MATN2: variants seen among roughly 807,000 people sequenced by gnomAD.
The protein encoded by MATN2 is matrilin 2.
Under a neutral mutation model 103.2 loss-of-function variants are expected in MATN2, and 69 were observed. The observed-to-expected ratio is 0.67, with a 90% CI of 0.55 to 0.82. The LOEUF (loss-of-function observed/expected upper bound fraction) is 0.82. MATN2 is among the 40% of genes least tolerant of loss of function. The probability of loss-of-function intolerance (pLI) is 0.00; values close to 1 mark genes in which losing one functional copy is unlikely to be tolerated. For missense variants in MATN2, 1,023 were observed against 1,211.5 expected (o/e 0.84, Z 2.31); for synonymous variants, 429 against 450.2 (o/e 0.95, Z 0.60).
At chr8:97,930,040 C>T (rs956137050) in intron 2 of MATN2, among the ~76,000 whole-genome samples, 1 of 152,206 alleles carries the variant, frequency 6.6e-6, no homozygotes, top group Non-Finnish European at 1.5e-5. Context: ...CTGTTACCCA[C>T]CACATTCATT....
At chr8:97,963,728 C>T (rs527450132) in intron 5 of MATN2, among the ~76,000 whole-genome samples, 25 of 152,254 alleles carry the variant, frequency 1.6e-4, no homozygotes, top group Admixed American at 1.6e-3. Context: ...GAGACTGCAT[C>T]CCATTGCAAC....
At chr8:97,917,717 T>G (rs568086739) in intron 2 of MATN2, among the ~76,000 whole-genome samples, 1 of 152,238 alleles carries the variant, frequency 6.6e-6, no homozygotes, top group African/African-American at 2.4e-5. Context: ...GTTACTTTTA[T>G]CCTCAGTAGT....
intron 2 of MATN2, among the ~76,000 whole-genome samples, chr8:97,909,613 A>G (rs562953103): frequency 6.6e-6 from 1 of 152,224 alleles, no homozygotes; most frequent in Admixed American, 6.5e-5. Context: ...GTATGCTTGA[A>G]TTGTTCAGTA....
At chr8:97,957,002 A>G (rs1212870918) in intron 4 of MATN2, among the ~76,000 whole-genome samples, 1 of 152,206 alleles carries the variant, frequency 6.6e-6, no homozygotes, top group African/African-American at 2.4e-5. Flanking sequence ...GGAGAGTCAA[A>G]ACTGACCCTC....
chr8:97,926,430 A>G (rs1450204847), intron 2 of MATN2, among the ~76,000 whole-genome samples: 2 of 152,210 alleles, frequency 1.3e-5, no homozygotes, highest in Non-Finnish European at 2.9e-5. Flanking sequence ...GAGTGTTCCC[A>G]GGTATTTGCA....
At chr8:98,030,424 C>T (rs1325721555) in intron 14 of MATN2, 38 bp from the exon 15 acceptor site, 15 of 1,584,312 alleles carry the variant, frequency 9.5e-6, no homozygotes, top group Non-Finnish European at 1.3e-5. Context: ...GGGAACACAA[C>T]TCTAACTAAC....
chr8:97,979,627 C>A (rs1228075702), intron 6 of MATN2, among the ~76,000 whole-genome samples: 1 of 152,078 alleles, frequency 6.6e-6, no homozygotes, highest in East Asian at 1.9e-4. Context: ...CAAAAGTGTT[C>A]TATTAAATAT....
chr8:98,003,257 GTTC>G (rs765327879), intron 7 of MATN2, among the ~76,000 whole-genome samples: 5 of 152,164 alleles, frequency 3.3e-5, no homozygotes, highest in Non-Finnish European at 2.9e-5. Context: ...GAGTCCTCAT[GTTC>G]TTCTTCCTGT....
chr8:97,880,178 C>A (rs750513912), intron 1 of MATN2, among the ~76,000 whole-genome samples: 3 of 151,040 alleles, frequency 2.0e-5, no homozygotes, highest in African/African-American at 2.4e-5. Flanking sequence ...CTGCCTCTCG[C>A]GTTCAAATGA....
chr8:97,913,816 T>C (rs996414841), intron 2 of MATN2, among the ~76,000 whole-genome samples: 3 of 152,176 alleles, frequency 2.0e-5, no homozygotes, highest in African/African-American at 7.2e-5. Flanking sequence ...GGTTTTGCCA[T>C]GTTGGCCAGG....
At position 97,997,095 on chromosome 8, in the gene MATN2, G is replaced by A. The variant is rs138250042; in HGVS notation, c.1204+2493G>A. Among the ~76,000 whole-genome samples, 25 of 152,330 alleles carry A rather than the reference G, an allele frequency of 1.6e-4. No homozygotes were observed. The East Asian group carries it at 4.4e-3, about 27-fold the overall frequency. On this transcript the variant is annotated intron_variant, in intron 7 of 18. Transcript: ENST00000254898. ...TAAGGCATGAATTATTAAGGCAGTA[G>A]TGCAAAGCACAGAAACTGCGACTGC...
intron 7 of MATN2, among the ~76,000 whole-genome samples, chr8:97,995,008 C>T (rs1355434165): frequency 2.0e-5 from 3 of 152,178 alleles, no homozygotes; most frequent in African/African-American, 4.8e-5. Flanking sequence ...GACATTGCAG[C>T]TTTATTCCCT....
chr8:97,934,640 T>A (rs1810313358), intron 3 of MATN2, among the ~76,000 whole-genome samples: 2 of 152,176 alleles, frequency 1.3e-5, no homozygotes, highest in African/African-American at 4.8e-5. Flanking sequence ...ACAGGAACAA[T>A]CTGTGGTCTG....
chr8:97,945,486 AC>A (rs1810715576), intron 4 of MATN2, among the ~76,000 whole-genome samples: 1 of 151,992 alleles, frequency 6.6e-6, no homozygotes, highest in Non-Finnish European at 1.5e-5. Context: ...CAGCAGGACA[AC>A]CCTTCAATCA....
chr8:97,875,116 C>T (rs576648156), intron 1 of MATN2, among the ~76,000 whole-genome samples: 1 of 152,190 alleles, frequency 6.6e-6, no homozygotes, highest in Non-Finnish European at 1.5e-5. Context: ...AACCTTAATT[C>T]CCTTTGCCAT....
Position 98,033,064 on chromosome 8 carries a change from T to C in MATN2, c.2604T>C (p.Asn868=). ...QPTESEPVTI[N]IQDLLSCSNF... ...CAGAATCTGAGCCAGTCACCATAAA[T>C]ATCCAAGACCTACTTTCCTGTTCTA... The change falls in exon 17 of 19, where the codon AAT becomes AAC. Residue 868 remains asparagine (N), a synonymous_variant. Coordinates refer to ENST00000254898, the MANE Select transcript of MATN2 (RefSeq NM_002380.5). The C allele has an allele frequency of 6.2e-7, 1 of 1,610,120 alleles. No individual in the cohort carries two copies. Among genetic ancestry groups the C allele is most frequent in the African/African-American group, 1.3e-5 (1 of 74,826 alleles).
chr8:98,006,123 T>G (rs1013839544), intron 8 of MATN2, among the ~76,000 whole-genome samples: 3 of 152,206 alleles, frequency 2.0e-5, no homozygotes, highest in Admixed American at 6.5e-5. Context: ...GTGTGTTCAT[T>G]AGCCTTCGGC....
chr8:97,892,169 G>A (rs1276201080), intron 2 of MATN2, among the ~76,000 whole-genome samples: 5 of 150,330 alleles, frequency 3.3e-5, no homozygotes, highest in African/African-American at 9.8e-5. Context: ...CCCGGGAGGC[G>A]GAGGTTGCAG....
intron 3 of MATN2, among the ~76,000 whole-genome samples, chr8:97,934,239 C>T (rs1289833465): frequency 6.6e-6 from 1 of 152,224 alleles, no homozygotes; most frequent in Non-Finnish European, 1.5e-5. Flanking sequence ...GTTGTACAAT[C>T]TTGAGCAAAT....
Sources: allele counts gnomAD v4.1 joint callset (sites outside exome capture counted in the v4.1 genomes callset), GRCh38; gene constraint gnomAD v4.1.1; transcripts MANE v1.5; gene names NCBI Gene and HGNC (gene_info 2026-07-23, HGNC 2026-07-21).